The following KIF13B variants were observed in gnomAD, a reference collection of about 807,000 sequenced individuals.
KIF13B encodes the protein kinesin-like protein KIF13B.
In KIF13B, 127 loss-of-function variants were observed where a neutral mutation model predicts 222.0. The ratio of observed to expected loss-of-function variants is 0.57; its 90% CI spans 0.50 to 0.66. KIF13B has a LOEUF of 0.66. Among genes scored for constraint, KIF13B ranks in the 30% least tolerant of loss-of-function variants. KIF13B has a pLI of 0.00. For missense variants in KIF13B, 2,173 were observed against 2,379.0 expected (o/e 0.91, Z 1.80); for synonymous variants, 976 against 919.0 (o/e 1.06, Z -1.12).
Position 29,180,118 on chromosome 8 carries a change from C to G in KIF13B, c.706G>C (p.Asp236His). ...TGAACACCTACCCCAGACTTCACAT[C>G]GTAGAGAGTATGTGTGAGGGTGATT... is the stretch of plus-strand genomic sequence containing the variant. ...FKITLTHTLY[D>H]VKSGTSGEKV... Residue 236 changes from aspartate (D) to histidine (H), a missense_variant, in exon 8 of 40, where the codon GAT becomes CAT. By Grantham distance (81) the Asp-to-His change is moderately conservative. This residue lies in a region of KIF13B where 1,480 missense variants were observed against 1,722.8 expected (regional missense o/e 0.86). Coordinates refer to ENST00000524189, the MANE Select transcript of KIF13B (RefSeq NM_015254.4). 6.2e-7 allele frequency: 1 copy of G among 1,613,934 alleles called. No individual in the cohort carries two copies. Among genetic ancestry groups the G allele is most frequent in the African/African-American group, 1.3e-5 (1 of 75,012 alleles).
intron 36 of KIF13B, among the ~76,000 whole-genome samples, chr8:29,094,347 T>C (rs928818464): frequency 2.0e-5 from 3 of 152,208 alleles, no homozygotes; most frequent in African/African-American, 7.2e-5. Context: ...CAGTCTACTC[T>C]ACAAGAACCT....
chr8:29,068,443 G>C lies in KIF13B; in HGVS notation c.*2061C>G, dbSNP rs1405910232. On this transcript the variant is annotated 3_prime_UTR_variant, in exon 40 of 40. Transcript: ENST00000524189. This position sits in a 1 kb window ranked among gnomAD's most constrained non-coding sequence, Gnocchi z 4.4. ...CATTAGTCCGCACCGAGAAGCAAGA[G>C]TGAACAGGGCCTGGGCCCAAATCCA... 6.6e-6 allele frequency: 1 copy of C among 152,294 alleles called. No homozygotes were observed. Among genetic ancestry groups the C allele is most frequent in the Non-Finnish European group, 1.5e-5 (1 of 68,128 alleles). 9.4% of individuals were successfully genotyped at this position (152,294 alleles called of 1,614,324 possible).
chr8:29,109,296 G>A, intron 34 of KIF13B, 138 bp downstream of exon 34: 1 of 692,164 alleles, frequency 1.4e-6, no homozygotes, highest in Admixed American at 2.3e-5. Flanking sequence ...GTGGGGTGGA[G>A]ACCAGGGGCC....
intron 21 of KIF13B, among the ~76,000 whole-genome samples, chr8:29,139,082 G>T (rs185828006): frequency 2.6e-5 from 4 of 152,154 alleles, no homozygotes; most frequent in Non-Finnish European, 5.9e-5. Context: ...TGAATGAAAC[G>T]AGGTTGACCA....
intron 37 of KIF13B, among the ~76,000 whole-genome samples, chr8:29,081,448 G>A (rs1337177624): frequency 1.3e-5 from 2 of 152,188 alleles, no homozygotes; most frequent in African/African-American, 4.8e-5. Flanking sequence ...AACAGCCTCG[G>A]CATGTGGGTC....
At chr8:29,182,898 G>C (rs1405073653) in intron 6 of KIF13B, among the ~76,000 whole-genome samples, 3 of 152,008 alleles carry the variant, frequency 2.0e-5, no homozygotes, top group Non-Finnish European at 4.4e-5. Context: ...AAAAAAAATG[G>C]TAAGTGTGTG....
chr8:29,164,545 C>T (rs1007313267), intron 12 of KIF13B, among the ~76,000 whole-genome samples: 2 of 152,192 alleles, frequency 1.3e-5, no homozygotes, highest in African/African-American at 4.8e-5. Context: ...ACTGCCATCA[C>T]CAGTTACTGT....
intron 3 of KIF13B, among the ~76,000 whole-genome samples, chr8:29,193,030 G>A (rs1012766601): frequency 5.3e-5 from 8 of 152,180 alleles, no homozygotes; most frequent in East Asian, 3.8e-4. Flanking sequence ...GGCAGCAACC[G>A]AGAGGACGAC....
chr8:29,253,114 G>A (rs939044389), intron 1 of KIF13B, among the ~76,000 whole-genome samples: 1 of 152,062 alleles, frequency 6.6e-6, no homozygotes, highest in African/African-American at 2.4e-5. Flanking sequence ...TGAAGCAGGG[G>A]GATCACTTGA....
chr8:29,207,664 T>A (rs1814013141), intron 2 of KIF13B, among the ~76,000 whole-genome samples: 1 of 151,674 alleles, frequency 6.6e-6, no homozygotes, highest in Non-Finnish European at 1.5e-5. Flanking sequence ...ATTTATCAAC[T>A]ATTCAGAATA....
chr8:29,211,315 G>A (rs1814213443), intron 2 of KIF13B, among the ~76,000 whole-genome samples: 1 of 152,210 alleles, frequency 6.6e-6, no homozygotes, highest in African/African-American at 2.4e-5. Flanking sequence ...AGAAAACTGG[G>A]CAAAAGACCT....
chr8:29,137,272 A>G (rs544552410), intron 21 of KIF13B, among the ~76,000 whole-genome samples: 2 of 152,254 alleles, frequency 1.3e-5, no homozygotes, highest in South Asian at 4.1e-4. Flanking sequence ...TCAGGAATGC[A>G]ACTGCCAGGA....
At chr8:29,202,852 C>T (rs142113831) in intron 2 of KIF13B, among the ~76,000 whole-genome samples, 6 of 152,018 alleles carry the variant, frequency 3.9e-5, no homozygotes, top group African/African-American at 1.2e-4. Flanking sequence ...AACTCAGCTA[C>T]GTCACTCCCC....
rs200740762 is a variant in KIF13B at position 29,134,124 on chromosome 8, C to A, written c.2700G>T (p.Pro900=). ...CKYSFWDQQE[P]VIVAPEVDTS... ...TGTCCACTTCAGGAGCGACAATCAC[C>A]GGCTCCTGTTGATCCCAGAAGCTGT... Residue 900 remains proline, a synonymous_variant, in exon 22 of 40, where the codon CCG becomes CCT. Transcript: ENST00000524189. 6.2e-7 allele frequency: 1 copy of A among 1,613,744 alleles called. No individual in the cohort carries two copies. The highest frequency in any genetic ancestry group is 8.5e-7 in the Non-Finnish European group (1 of 1,179,752).
At chr8:29,095,912 CAAAACAT>C (rs1258335525) in intron 36 of KIF13B, among the ~76,000 whole-genome samples, 1 of 150,812 alleles carries the variant, frequency 6.6e-6, no homozygotes, top group Non-Finnish European at 1.5e-5. Context: ...AAACAAAAAA[CAAAACAT>C]AAAAGATTAT....
At chr8:29,191,244 T>C (rs529720613) in intron 3 of KIF13B, among the ~76,000 whole-genome samples, 187 bp from the exon 4 acceptor site, 4 of 152,314 alleles carry the variant, frequency 2.6e-5, no homozygotes, top group South Asian at 4.1e-4. Flanking sequence ...ATATTTTACA[T>C]GGAAAACTAT....
intron 24 of KIF13B, among the ~76,000 whole-genome samples, chr8:29,129,085 A>G (rs1000362489): frequency 1.1e-4 from 16 of 152,190 alleles, no homozygotes; most frequent in African/African-American, 3.9e-4. Context: ...TTGCCATCAT[A>G]TAAGAAAAAT....
At chr8:29,183,932 G>A (rs528175102) in intron 6 of KIF13B, among the ~76,000 whole-genome samples, 6 of 152,180 alleles carry the variant, frequency 3.9e-5, no homozygotes, top group African/African-American at 9.6e-5. Context: ...AGCAAGAAGA[G>A]GATAGTTCTA....
At chr8:29,104,748 A>C (rs768056095) in intron 35 of KIF13B, among the ~76,000 whole-genome samples, 7 of 150,918 alleles carry the variant, frequency 4.6e-5, no homozygotes, top group African/African-American at 9.7e-5. Context: ...TCTTTTTTTT[A>C]TTTTTTATTT....
Sources: gnomAD v4.1 joint callset for allele counts (sites outside exome capture counted in the v4.1 genomes callset) on GRCh38, gnomAD v4.1.1 for gene constraint, gnomAD v4.1.1 regional missense constraint, Gnocchi (gnomAD v3.1) non-coding constraint, MANE v1.5 for transcripts, NCBI Gene and HGNC (gene_info 2026-07-23, HGNC 2026-07-21) for gene names.